Variants in PTPRM observed in about 807,000 individuals in gnomAD.
PTPRM encodes receptor-type tyrosine-protein phosphatase mu.
PTPRM carries 47 observed loss-of-function variants against 186.7 expected under a neutral mutation model. The ratio of observed to expected loss-of-function variants is 0.25; its 90% CI spans 0.20 to 0.32. The LOEUF is 0.32. PTPRM is among the 10% of genes least tolerant of loss of function. The pLI is 1.00. For synonymous variants in PTPRM, 668 were observed against 674.9 expected (o/e 0.99, Z 0.16); for missense variants, 1,494 against 1,865.0 (o/e 0.80, Z 3.66).
At chr18:8,211,462 G>A (rs539213503) in intron 14 of PTPRM, among the ~76,000 whole-genome samples, 19 of 147,404 alleles carry the variant, frequency 1.3e-4, no homozygotes, top group Admixed American at 6.9e-4. Flanking sequence ...GGAGTGCAGT[G>A]GTGTGATCTC....
At chr18:8,120,683 A>G (rs2092138804) in intron 13 of PTPRM, among the ~76,000 whole-genome samples, 1 of 151,800 alleles carries the variant, frequency 6.6e-6, no homozygotes, top group South Asian at 2.1e-4. Context: ...TTTTTTAGAG[A>G]TGGGGTTTCA....
chr18:7,943,405 C>G (rs1439209349), intron 5 of PTPRM, among the ~76,000 whole-genome samples: 1 of 152,126 alleles, frequency 6.6e-6, no homozygotes, highest in Non-Finnish European at 1.5e-5. Context: ...GGGTACTCTA[C>G]TTCGGTGACC....
At chr18:7,919,699 G>A (rs910382507) in intron 4 of PTPRM, among the ~76,000 whole-genome samples, 1 of 152,136 alleles carries the variant, frequency 6.6e-6, no homozygotes, top group African/African-American at 2.4e-5. Flanking sequence ...GCATTTGGGT[G>A]AAATGTTCTA....
chr18:8,194,910 G>T (rs901148930), intron 14 of PTPRM, among the ~76,000 whole-genome samples: 7 of 152,072 alleles, frequency 4.6e-5, no homozygotes, highest in African/African-American at 1.2e-4. Flanking sequence ...ATTCTTGTAA[G>T]GATTGGGCAT....
At chr18:8,272,809 A>G (rs1372808852) in intron 19 of PTPRM, among the ~76,000 whole-genome samples, 2 of 152,110 alleles carry the variant, frequency 1.3e-5, no homozygotes, top group African/African-American at 4.8e-5. Context: ...CATTTTCTGT[A>G]TACTTAATTT....
intron 19 of PTPRM, among the ~76,000 whole-genome samples, chr18:8,280,996 A>C (rs1289238799): frequency 6.6e-6 from 1 of 152,226 alleles, no homozygotes; most frequent in African/African-American, 2.4e-5. Context: ...TAGACTTTTG[A>C]AGGATAAAAG....
At chr18:7,788,344 A>G (rs1263420681) in intron 2 of PTPRM, among the ~76,000 whole-genome samples, 1 of 152,192 alleles carries the variant, frequency 6.6e-6, no homozygotes, top group African/African-American at 2.4e-5. Context: ...CATAACTGTA[A>G]ATATTAATTC....
intron 13 of PTPRM, among the ~76,000 whole-genome samples, chr18:8,136,113 T>C (rs2092632058): frequency 6.6e-6 from 1 of 152,198 alleles, no homozygotes; most frequent in South Asian, 2.1e-4. Flanking sequence ...CTTCAAAGTT[T>C]AGTTTCAAGC....
chr18:8,007,333 T>C (rs1238118461), intron 7 of PTPRM, among the ~76,000 whole-genome samples: 2 of 152,152 alleles, frequency 1.3e-5, no homozygotes, highest in Non-Finnish European at 2.9e-5. Flanking sequence ...ATTTTCCTTT[T>C]TGCAGGCAGG....
chr18:7,816,741 C>T (rs1195126224), intron 2 of PTPRM, among the ~76,000 whole-genome samples: 2 of 152,010 alleles, frequency 1.3e-5, no homozygotes, highest in Non-Finnish European at 2.9e-5. Flanking sequence ...CTAAAATAAA[C>T]ATATAAATTA....
chr18:8,047,255 G>C (rs2087128047), intron 7 of PTPRM, among the ~76,000 whole-genome samples: 1 of 151,828 alleles, frequency 6.6e-6, no homozygotes, highest in African/African-American at 2.4e-5. Context: ...ATAGTTTTTA[G>C]GCCACTTCTA....
At chr18:8,019,335 A>C (rs2085067378) in intron 7 of PTPRM, among the ~76,000 whole-genome samples, 1 of 152,240 alleles carries the variant, frequency 6.6e-6, no homozygotes, top group Non-Finnish European at 1.5e-5. Context: ...GAGGTAAATT[A>C]ATTCATTCAC....
chr18:8,343,179 A>G (rs2095485033), intron 22 of PTPRM, among the ~76,000 whole-genome samples: 1 of 152,236 alleles, frequency 6.6e-6, no homozygotes, highest in Non-Finnish European at 1.5e-5. Context: ...TAAGAAGGGT[A>G]AAAAGAGCTC....
chr18:8,248,014 A>C, intron 16 of PTPRM, 95 bp downstream of exon 16: 1 of 1,364,954 alleles, frequency 7.3e-7, no homozygotes, highest in Non-Finnish European at 1.0e-6. Flanking sequence ...TGAGGGGCTT[A>C]CTGTGTTTGA....
intron 7 of PTPRM, among the ~76,000 whole-genome samples, chr18:8,030,626 T>G (rs1228071551): frequency 6.6e-6 from 1 of 152,112 alleles, no homozygotes; most frequent in Non-Finnish European, 1.5e-5. Context: ...ATTGAAAACG[T>G]TTTGTCTGTT....
At chr18:7,675,237 A>G (rs965809374) in intron 1 of PTPRM, among the ~76,000 whole-genome samples, 1 of 152,256 alleles carries the variant, frequency 6.6e-6, no homozygotes, top group Non-Finnish European at 1.5e-5. Flanking sequence ...TGTTTTCGTT[A>G]GGGCCTTCCT....
chr18:8,293,684 G>A (rs565398800), intron 19 of PTPRM, among the ~76,000 whole-genome samples: 1 of 152,258 alleles, frequency 6.6e-6, no homozygotes, highest in East Asian at 1.9e-4. Context: ...CATTCATAGA[G>A]TAACAAAGAC....
rs2095179735 is a variant in PTPRM, at chr18:8,303,182, T to TGCAGCGGAGCAG, written c.2842+6728_2842+6729insCAGCGGAGCAGG. 2.0e-5 allele frequency among the ~76,000 whole-genome samples: 3 copies of TGCAGCGGAGCAG among 151,888 alleles called. 1 individual carries two copies. The highest frequency in any genetic ancestry group is 2.0e-4 in the Admixed American group (3 of 15,242). ...CTCAGCGGTGCAGGGAGCACTCTCA[T>TGCAGCGGAGCAG]GGAGAGAAGGGGTGCTGCTAGTGTC... On this transcript the variant is annotated intron_variant, in intron 20 of 32. Coordinates refer to ENST00000580170, the MANE Select transcript of PTPRM (RefSeq NM_001105244.2).
chr18:8,397,762 G>C (rs986074691), intron 32 of PTPRM, among the ~76,000 whole-genome samples: 15 of 152,292 alleles, frequency 9.8e-5, no homozygotes, highest in Admixed American at 9.2e-4. Context: ...CTTCACGCTG[G>C]CAGCTCCCCT....
Sources: gnomAD v4.1 joint callset for allele counts (sites outside exome capture counted in the v4.1 genomes callset) on GRCh38, gnomAD v4.1.1 for gene constraint, MANE v1.5 for transcripts, NCBI Gene and HGNC (gene_info 2026-07-23, HGNC 2026-07-21) for gene names.